RBFOX1: variants seen among roughly 807,000 people sequenced by gnomAD.
RBFOX1 encodes the protein RNA binding fox-1 homolog 1, also known as RNA binding protein fox-1 homolog 1.
In RBFOX1, 8 loss-of-function variants were observed where a neutral mutation model predicts 57.7. The ratio of observed to expected loss-of-function variants is 0.14; its 90% CI spans 0.08 to 0.25. The LOEUF (loss-of-function observed/expected upper bound fraction) is 0.25, where lower values mean the gene tolerates loss of function less well. Among genes scored for constraint, RBFOX1 ranks in the 10% least tolerant of loss-of-function variants. The pLI is 1.00. For missense variants in RBFOX1, 611 were observed against 548.5 expected (o/e 1.11, Z -1.14); for synonymous variants, 326 against 222.4 (o/e 1.47, Z -4.15).
intron 4 of RBFOX1, among the ~76,000 whole-genome samples, chr16:7,162,880 C>G (rs891938708): frequency 1.5e-4 from 23 of 152,152 alleles, no homozygotes; most frequent in Admixed American, 7.2e-4. Flanking sequence ...GGGGTATTCC[C>G]TGGTCCTCCT....
intron 4 of RBFOX1, chr16:7,333,200 C>A: frequency 2.1e-6 from 2 of 960,672 alleles, no homozygotes; most frequent in African/African-American, 1.6e-5. Context: ...AAAGCCCTCG[C>A]GTAGTCAGTG....
chr16:5,613,542 A>G (rs2047902239), intron 3 of RBFOX1, among the ~76,000 whole-genome samples: 1 of 152,164 alleles, frequency 6.6e-6, no homozygotes, highest in African/African-American at 2.4e-5. Flanking sequence ...TCATACTCCA[A>G]GTGAAATTTT....
At chr16:6,798,808 CTG>C (rs953034227) in intron 3 of RBFOX1, among the ~76,000 whole-genome samples, 2 of 152,078 alleles carry the variant, frequency 1.3e-5, no homozygotes, top group African/African-American at 2.4e-5. Flanking sequence ...TATTGAGCAT[CTG>C]TGATTAGATT....
intron 4 of RBFOX1, among the ~76,000 whole-genome samples, chr16:7,168,375 G>A (rs541826036): frequency 1.3e-5 from 2 of 152,250 alleles, no homozygotes; most frequent in East Asian, 1.9e-4. Context: ...GAGCCAGGTA[G>A]GAAATGGGAA....
intron 3 of RBFOX1, among the ~76,000 whole-genome samples, chr16:6,821,321 C>G (rs2091260754): frequency 6.6e-6 from 1 of 152,162 alleles, no homozygotes; most frequent in South Asian, 2.1e-4. Flanking sequence ...AGTTTTGCTA[C>G]CTGACATGTT....
chr16:7,194,581 A>G (rs145615818), intron 4 of RBFOX1, among the ~76,000 whole-genome samples: 1 of 152,152 alleles, frequency 6.6e-6, no homozygotes, highest in African/African-American at 2.4e-5. Context: ...CTTTGAATCC[A>G]TTCTGTTTTC....
At chr16:7,162,283 A>G (rs1158115691) in intron 4 of RBFOX1, among the ~76,000 whole-genome samples, 4 of 152,180 alleles carry the variant, frequency 2.6e-5, no homozygotes, top group African/African-American at 9.7e-5. Flanking sequence ...CTCCATATGT[A>G]TATATATGTA....
In RBFOX1 at chr16:5,481,024, T is replaced by C. The variant is rs1401447710; in HGVS notation, c.258+13770T>C. The stretch of plus-strand genomic sequence containing the variant: ...TGTAGCAACCTACACAATCAGAACA[T>C]TGAATGTGAATGCCTGTTATCCCAC... On this transcript the variant is annotated intron_variant, in intron 2 of 2. Coordinates refer to the RBFOX1 transcript ENST00000585867. Among the ~76,000 whole-genome samples the C allele has an allele frequency of 3.9e-5, 6 of 152,216 alleles. No individual in the cohort carries two copies. In the South Asian group the frequency reaches 1.0e-3, roughly 26 times the overall value.
At chr16:5,977,929 T>A (rs2060097662) in intron 4 of RBFOX1, among the ~76,000 whole-genome samples, 1 of 151,862 alleles carries the variant, frequency 6.6e-6, no homozygotes, top group South Asian at 2.1e-4. Flanking sequence ...CTAAAATCGA[T>A]ATTCCATGAT....
At chr16:7,007,729 C>G (rs543540220) in intron 3 of RBFOX1, among the ~76,000 whole-genome samples, 5 of 152,138 alleles carry the variant, frequency 3.3e-5, no homozygotes, top group Admixed American at 1.3e-4. Flanking sequence ...AGGGTAAACT[C>G]CCATGAAAAT....
chr16:6,419,182 C>G (rs1418729072), intron 2 of RBFOX1, among the ~76,000 whole-genome samples: 3 of 152,304 alleles, frequency 2.0e-5, no homozygotes, highest in South Asian at 2.1e-4. Context: ...CACATTTTGA[C>G]TTCTTTTATA....
intron 7 of RBFOX1, among the ~76,000 whole-genome samples, chr16:7,593,571 G>C (rs1026467295): frequency 2.0e-5 from 3 of 152,088 alleles, no homozygotes; most frequent in Admixed American, 6.5e-5. Context: ...AGGTAATTTG[G>C]TTCAATCCCC....
At chr16:6,817,936 C>T (rs893188890) in intron 3 of RBFOX1, among the ~76,000 whole-genome samples, 3 of 152,138 alleles carry the variant, frequency 2.0e-5, no homozygotes, top group Admixed American at 6.5e-5. Context: ...TACTGTGTCT[C>T]TCTGTTGGGC....
intron 1 of RBFOX1, among the ~76,000 whole-genome samples, chr16:6,264,781 C>G (rs959246992): frequency 6.6e-6 from 1 of 152,184 alleles, no homozygotes; most frequent in Non-Finnish European, 1.5e-5. Flanking sequence ...CTTAGCATGC[C>G]ACTGAAACTT....
chr16:7,549,526 G>A (rs537567537), intron 5 of RBFOX1, among the ~76,000 whole-genome samples: 1 of 152,270 alleles, frequency 6.6e-6, no homozygotes, highest in East Asian at 1.9e-4. Flanking sequence ...TCTGCAAGCT[G>A]AAGAGCAAGG....
Position 5,853,402 on chromosome 16 carries a change from C to T in RBFOX1, c.319-13901C>T, listed in dbSNP as rs547620031. 3.0e-4 allele frequency among the ~76,000 whole-genome samples: 46 copies of T among 152,270 alleles called. 1 individual carries two copies. The highest frequency in any genetic ancestry group is 3.4e-3 in the Middle Eastern group (1 of 294). On this transcript the variant is annotated intron_variant, in intron 3 of 19. Transcript: ENST00000641259. ...GCGTGTTGGAGTCCTGCCCTGGGCA[C>T]GGCCTGACCTGCCCCCATGTTCCCT...
chr16:6,159,943 G>C (rs1169347474), intron 1 of RBFOX1, among the ~76,000 whole-genome samples: 2 of 152,138 alleles, frequency 1.3e-5, no homozygotes, highest in Non-Finnish European at 2.9e-5. Flanking sequence ...ATAACTGTGA[G>C]ACATAGTAGC....
intron 3 of RBFOX1, among the ~76,000 whole-genome samples, chr16:6,660,337 A>G (rs527935813): frequency 2.0e-5 from 3 of 152,302 alleles, no homozygotes; most frequent in South Asian, 2.1e-4. Flanking sequence ...GCCAACCACT[A>G]TGACACACGA....
intron 14 of RBFOX1, among the ~76,000 whole-genome samples, chr16:7,702,262 G>A (rs965726513): frequency 9.9e-5 from 15 of 152,136 alleles, no homozygotes; most frequent in African/African-American, 2.2e-4. Context: ...TCCTAAGCTC[G>A]GAATTTTTGA....
Sources: allele counts gnomAD v4.1 joint callset (sites outside exome capture counted in the v4.1 genomes callset), GRCh38; gene constraint gnomAD v4.1.1; transcripts MANE v1.5; gene names NCBI Gene and HGNC (gene_info 2026-07-23, HGNC 2026-07-21).